Variants in ATXN10 observed in about 807,000 individuals in gnomAD.
ATXN10 encodes ataxin-10.
ATXN10 carries 28 observed loss-of-function variants against 52.9 expected under a neutral mutation model. The observed-to-expected ratio is 0.53, with a 90% confidence interval of 0.39 to 0.73. ATXN10 has a LOEUF of 0.73. ATXN10 is among the 30% of genes least tolerant of loss of function. The pLI, the probability that ATXN10 is intolerant of heterozygous loss-of-function variation, is 0.00. For synonymous variants in ATXN10, 226 were observed against 221.5 expected, an observed-to-expected ratio of 1.02 and a Z score of -0.18; for missense variants, 565 against 577.0, an observed-to-expected ratio of 0.98 and a Z score of 0.21.
chr22:45,680,195 G>A (rs557336888), intron 1 of ATXN10: 1 of 152,310 alleles, frequency 6.6e-6, no homozygotes, highest in East Asian at 1.9e-4. Context: ...TATAGCTATT[G>A]AGGAGTTTGT....
chr22:45,716,206 A>G (rs1924437533), intron 5 of ATXN10, among the ~76,000 whole-genome samples: 2 of 152,064 alleles, frequency 1.3e-5, no homozygotes, highest in Non-Finnish European at 2.9e-5. Context: ...TTGAGGGTGC[A>G]GTGAGCTATG....
At chr22:45,702,912 G>A (rs1401034380) in intron 5 of ATXN10, 65 bp downstream of exon 5, 2 of 1,599,088 alleles carry the variant, frequency 1.3e-6, no homozygotes, top group Non-Finnish European at 1.7e-6. Flanking sequence ...CCTTGCAGAG[G>A]TTTTAAGTAA....
rs111449293 is a variant in ATXN10 at position 45,766,206 on chromosome 22, C to T, written c.1173+25668C>T. Among the ~76,000 whole-genome samples the T allele has an allele frequency of 5.3e-5, 8 of 152,174 alleles. No individual in the cohort carries two copies. Among genetic ancestry groups the T allele is most frequent in the Non-Finnish European group, 1.0e-4 (7 of 68,022 alleles). ...ATCAGGGGTTCCCCAATCCCTGGTCCGTGGACTGGTACTGGTCCATGGCCT... is the reference window on the plus strand; with the variant it reads ...ATCAGGGGTTCCCCAATCCCTGGTCTGTGGACTGGTACTGGTCCATGGCCT... On this transcript the variant is annotated intron_variant, in intron 9 of 11. Transcript: ENST00000252934. This position sits in a 1 kb window ranked among gnomAD's most constrained non-coding sequence, Gnocchi z 4.6.
At chr22:45,738,659 TAC>T (rs1168560483) in intron 7 of ATXN10, 70 bp from the exon 8 acceptor site, 3 of 1,222,148 alleles carry the variant, frequency 2.5e-6, no homozygotes, top group Admixed American at 1.8e-5. Context: ...TTTATTCTCT[TAC>T]AGTTATTTAT....
chr22:45,820,132 A>G lies in ATXN10; in HGVS notation c.1237+13110A>G, dbSNP rs1462869205. 2.6e-5 allele frequency among the ~76,000 whole-genome samples: 4 copies of G among 152,212 alleles called. No homozygotes were observed. Among genetic ancestry groups the G allele is most frequent in the African/African-American group, 7.2e-5 (3 of 41,438 alleles). On this transcript the variant is annotated intron_variant, in intron 10 of 11. Transcript: ENST00000252934. This position sits in a 1 kb window ranked among gnomAD's most constrained non-coding sequence, Gnocchi z 4.9. ...CTCTGTACCAGTTATTCTAGGACCA[A>G]TACATTAAAAAGCAAAAACGTATTG...
At position 45,689,347 on chromosome 22, in the gene ATXN10, A is replaced by G. The variant is rs1279921530; in HGVS notation, c.117-365A>G. On this transcript the variant is annotated intron_variant, in intron 1 of 11. Coordinates refer to ENST00000252934, the MANE Select transcript of ATXN10 (RefSeq NM_013236.4). ...GGATTTGGGTTGTCATGGGTAGTGGAAGTGCTCAGGCCAGAGTGCTTCACT... is the reference window on the plus strand; with the variant it reads ...GGATTTGGGTTGTCATGGGTAGTGGGAGTGCTCAGGCCAGAGTGCTTCACT... 3 of 319,278 alleles carry G rather than the reference A, an allele frequency of 9.4e-6. No individual in the cohort carries two copies. The East Asian group carries it at 2.3e-4, about 25-fold the overall frequency. The allele number at this position is 319,278 out of a possible 1,614,324, so 19.8% of individuals were successfully genotyped here. A position where few individuals can be genotyped will look rare whatever the true frequency, so the allele number is the denominator to read the frequency against.
Position 45,775,946 on chromosome 22 carries a change from C to G in ATXN10, c.1174-31013C>G, listed in dbSNP as rs1366679011. ...GTGGAGCCACCATGGGCACCGACAT[C>G]TGTGGCCACTCCACAGCCCATTGGT... On this transcript the variant is annotated intron_variant, in intron 9 of 11. Transcript: ENST00000252934. This position sits in a 1 kb window ranked among gnomAD's most constrained non-coding sequence, Gnocchi z 4.7. Among the ~76,000 whole-genome samples the G allele has an allele frequency of 6.6e-6, 1 of 152,198 alleles. No individual in the cohort carries two copies. Among genetic ancestry groups the G allele is most frequent in the Non-Finnish European group, 1.5e-5 (1 of 68,028 alleles).
In ATXN10 at chr22:45,710,709, A is replaced by G. The variant is rs9306478; in HGVS notation, c.648-7704A>G. Among the ~76,000 whole-genome samples, 742 of 152,238 alleles carry G rather than the reference A, an allele frequency of 4.9e-3. 5 individuals carry two copies. Among genetic ancestry groups the G allele is most frequent in the African/African-American group, 0.017 (714 of 41,554 alleles). ...GGAACACAGCCAAGCTTGTTTATCT[A>G]TTGTCTACGGCTGCTTTCATGTAAC... On this transcript the variant is annotated intron_variant, in intron 5 of 11. Transcript: ENST00000252934.
At chr22:45,719,646 T>G (rs1290814399) in intron 6 of ATXN10, among the ~76,000 whole-genome samples, 1 of 152,174 alleles carries the variant, frequency 6.6e-6, no homozygotes, top group Non-Finnish European at 1.5e-5. Context: ...TTTTCCATAG[T>G]CTATCAAAAT....
At chr22:45,800,789 G>A (rs770186823) in intron 9 of ATXN10, among the ~76,000 whole-genome samples, 20 of 152,284 alleles carry the variant, frequency 1.3e-4, no homozygotes, top group Admixed American at 6.5e-5. Context: ...GATGAATCTC[G>A]AAAACATTGG....
intron 10 of ATXN10, among the ~76,000 whole-genome samples, chr22:45,807,261 CA>C (rs1644215444): frequency 6.6e-6 from 1 of 152,086 alleles, no homozygotes; most frequent in Non-Finnish European, 1.5e-5. Context: ...AGCATGTGGC[CA>C]AAAAGCACTT....
Position 45,727,222 on chromosome 22 carries a change from C to T in ATXN10, c.729-2203C>T, listed in dbSNP as rs1040451209. ...ATGCAGGAGCAGCTTGTTTAATTTC[C>T]GTGTATTTATGTAGTTTTGAGGGTT... is the stretch of plus-strand genomic sequence containing the variant. On this transcript the variant is annotated intron_variant, in intron 6 of 11. Coordinates refer to ENST00000252934, the MANE Select transcript of ATXN10 (RefSeq NM_013236.4). The surrounding 1 kb of genome is among the most constrained non-coding windows in gnomAD (Gnocchi z 4.6). Among the ~76,000 whole-genome samples the T allele has an allele frequency of 1.3e-5, 2 of 152,080 alleles. No individual in the cohort carries two copies. Among genetic ancestry groups the T allele is most frequent in the East Asian group, 1.9e-4 (1 of 5,178 alleles).
chr22:45,800,069 T>C, intron 9 of ATXN10, among the ~76,000 whole-genome samples: 1 of 152,300 alleles, frequency 6.6e-6, no homozygotes, highest in African/African-American at 2.4e-5. Flanking sequence ...TATATTGAAG[T>C]AGGCCAGGAC....
Position 45,715,994 on chromosome 22 carries a change from T to C in ATXN10, c.648-2419T>C, listed in dbSNP as rs989091793. On this transcript the variant is annotated intron_variant, in intron 5 of 11. Transcript: ENST00000252934. This position sits in a 1 kb window ranked among gnomAD's most constrained non-coding sequence, Gnocchi z 4.4. Reference sequence around the variant, plus strand: ...AGCAAAAGCAGCCAAGTGTGGTGGCTCATGCCTGTAATCCCAGCACTTTGG... The same window carrying C: ...AGCAAAAGCAGCCAAGTGTGGTGGCCCATGCCTGTAATCCCAGCACTTTGG... 1.3e-5 allele frequency among the ~76,000 whole-genome samples: 2 copies of C among 152,142 alleles called. No homozygotes were observed. The highest frequency in any genetic ancestry group is 6.6e-5 in the Admixed American group (1 of 15,262).
rs1927418369 is a variant in ATXN10, at chr22:45,789,083, A to G, written c.1174-17876A>G. Among the ~76,000 whole-genome samples the G allele has an allele frequency of 6.6e-6, 1 of 152,176 alleles. No homozygotes were observed. The highest frequency in any genetic ancestry group is 2.4e-5 in the African/African-American group (1 of 41,444). ...ATGCAGATTGACAGTAAGGATGGAAAGTCACTGCTCTGTATCAGTGCTTCT... is the reference window on the plus strand; with the variant it reads ...ATGCAGATTGACAGTAAGGATGGAAGGTCACTGCTCTGTATCAGTGCTTCT... On this transcript the variant is annotated intron_variant, in intron 9 of 11. Coordinates refer to ENST00000252934, the MANE Select transcript of ATXN10 (RefSeq NM_013236.4). This position sits in a 1 kb window ranked among gnomAD's most constrained non-coding sequence, Gnocchi z 4.0.
chr22:45,831,525 T>C (rs1356330024), intron 10 of ATXN10, among the ~76,000 whole-genome samples: 2 of 152,226 alleles, frequency 1.3e-5, no homozygotes, highest in Non-Finnish European at 1.5e-5. Flanking sequence ...CAGTTCTGTC[T>C]GTTTAACAGT....
intron 9 of ATXN10, among the ~76,000 whole-genome samples, chr22:45,777,599 A>G (rs903535181): frequency 6.6e-6 from 1 of 152,232 alleles, no homozygotes; most frequent in Admixed American, 6.5e-5. Flanking sequence ...GAGAACAGAA[A>G]TGGCCAATCC....
chr22:45,814,636 A>T (rs892891566), intron 10 of ATXN10, among the ~76,000 whole-genome samples: 1 of 152,244 alleles, frequency 6.6e-6, no homozygotes, highest in Admixed American at 6.5e-5. Context: ...AGAGAAATGC[A>T]GATACATGTT....
In ATXN10 at chr22:45,819,328, G is replaced by A. The variant is rs2146898409; in HGVS notation, c.1237+12306G>A. On this transcript the variant is annotated intron_variant, in intron 10 of 11. Coordinates refer to ENST00000252934, the MANE Select transcript of ATXN10 (RefSeq NM_013236.4). This position sits in a 1 kb window ranked among gnomAD's most constrained non-coding sequence, Gnocchi z 4.5. Reference sequence around the variant, plus strand: ...AAGATCAGATCATAAGCCTAAAGTAGCCTAAAGTATCAGCTCAAAATCCAC... The same window carrying A: ...AAGATCAGATCATAAGCCTAAAGTAACCTAAAGTATCAGCTCAAAATCCAC... Among the ~76,000 whole-genome samples, 1 of 152,254 alleles carries A rather than the reference G, an allele frequency of 6.6e-6. No individual in the cohort carries two copies. Among genetic ancestry groups the A allele is most frequent in the South Asian group, 2.1e-4 (1 of 4,824 alleles).
Sources: allele counts gnomAD v4.1 joint callset (sites outside exome capture counted in the v4.1 genomes callset), GRCh38; gene constraint gnomAD v4.1.1; non-coding constraint Gnocchi (gnomAD v3.1); transcripts MANE v1.5; gene names NCBI Gene and HGNC (gene_info 2026-07-23, HGNC 2026-07-21).